RBFOX1: variants seen among roughly 807,000 people sequenced by gnomAD.
RBFOX1 encodes the protein RNA binding protein fox-1 homolog 1.
RBFOX1 carries 8 observed loss-of-function variants against 57.7 expected under a neutral mutation model. The ratio of observed to expected loss-of-function variants is 0.14; its 90% CI spans 0.08 to 0.25. The LOEUF is 0.25. RBFOX1 is among the 10% of genes least tolerant of loss of function. The probability of loss-of-function intolerance (pLI) is 1.00; values close to 1 mark genes in which losing one functional copy is unlikely to be tolerated. For missense variants in RBFOX1, 611 were observed against 548.5 expected (o/e 1.11, Z -1.14); for synonymous variants, 326 against 222.4 (o/e 1.47, Z -4.15).
At chr16:6,350,935 C>T (rs754318272) in intron 2 of RBFOX1, among the ~76,000 whole-genome samples, 10 of 152,196 alleles carry the variant, frequency 6.6e-5, no homozygotes, top group Non-Finnish European at 1.0e-4. Context: ...GATGGCCTGG[C>T]ACCTGGTCCT....
At chr16:7,133,477 A>T (rs921691449) in intron 4 of RBFOX1, among the ~76,000 whole-genome samples, 1 of 152,158 alleles carries the variant, frequency 6.6e-6, no homozygotes, top group Admixed American at 6.5e-5. Context: ...TTTAGAGGCA[A>T]TTCAGTAATT....
Position 6,871,917 on chromosome 16 carries a change from GTGT to G in RBFOX1, c.-15-180139_-15-180137del, listed in dbSNP as rs2060966595. Reference sequence around the variant, plus strand: ...TTTGAGAGAGGGAGAGAGTCTGTGTGTGTGTGTGTGTGTGTGTGTGTGTGTGTG... The same window carrying G: ...TTTGAGAGAGGGAGAGAGTCTGTGTGGTGTGTGTGTGTGTGTGTGTGTGTG... On this transcript the variant is annotated intron_variant, in intron 3 of 15. Transcript: ENST00000550418. Among the ~76,000 whole-genome samples, 3 of 56,716 alleles carry G rather than the reference GTGT, an allele frequency of 5.3e-5. No homozygotes were observed. The East Asian group carries it at 2.3e-3, about 43-fold the overall frequency. The allele number at this position is 56,716 out of a possible 152,430, so 37.2% of individuals were successfully genotyped here.
chr16:7,028,636 T>C (rs963576575), intron 3 of RBFOX1, among the ~76,000 whole-genome samples: 1 of 127,198 alleles, frequency 7.9e-6, no homozygotes, highest in African/African-American at 3.0e-5. Flanking sequence ...AAAAAAAAAA[T>C]TGAACCACAC....
chr16:7,700,980 G>A (rs2080491788), intron 14 of RBFOX1, among the ~76,000 whole-genome samples: 1 of 152,002 alleles, frequency 6.6e-6, no homozygotes, highest in African/African-American at 2.4e-5. Context: ...TGTATGACAG[G>A]TATCCATGGG....
At position 7,711,591 on chromosome 16, in the gene RBFOX1, G is replaced by A. The variant is rs776836560; in HGVS notation, c.*846G>A. The A allele has an allele frequency of 2.0e-5, 3 of 152,328 alleles. No homozygotes were observed. Among genetic ancestry groups the A allele is most frequent in the Admixed American group, 6.6e-5 (1 of 15,246 alleles). 9.4% of individuals were successfully genotyped at this position (152,328 alleles called of 1,614,324 possible). A position where few individuals can be genotyped will look rare whatever the true frequency, so the allele number is the denominator to read the frequency against. On this transcript the variant is annotated 3_prime_UTR_variant, in exon 16 of 16. Transcript: ENST00000550418. ...AATAAAAAGGTGATAAAAAAGCACT[G>A]TTTCTATTTTTTTCTTTTTTTCCAA... is the stretch of plus-strand genomic sequence containing the variant.
intron 2 of RBFOX1, among the ~76,000 whole-genome samples, chr16:5,472,053 CTG>C (rs1269308923): frequency 2.6e-5 from 4 of 152,188 alleles, no homozygotes; most frequent in African/African-American, 9.6e-5. Context: ...TCTGCCTTCT[CTG>C]TGACTTCTGA....
At chr16:5,529,282 A>G (rs1275904367) in intron 2 of RBFOX1, among the ~76,000 whole-genome samples, 1 of 152,160 alleles carries the variant, frequency 6.6e-6, no homozygotes, top group Non-Finnish European at 1.5e-5. Context: ...TTAAAGTCTT[A>G]AAACACCACC....
At chr16:7,670,594 A>G (rs2071075965) in intron 13 of RBFOX1, among the ~76,000 whole-genome samples, 1 of 152,186 alleles carries the variant, frequency 6.6e-6, no homozygotes, top group African/African-American at 2.4e-5. Context: ...GTAAGCAGTG[A>G]ACTAGGAGCG....
rs145413859 is a variant in RBFOX1 at position 5,253,264 on chromosome 16, C to G, written c.219+13159C>G. Among the ~76,000 whole-genome samples the G allele has an allele frequency of 7.6e-3, 1,156 of 152,140 alleles. 16 individuals carry two copies. The highest frequency in any genetic ancestry group is 0.026 in the African/African-American group (1,089 of 41,490). Reference sequence around the variant, plus strand: ...TCCCGGGTTCAAGCGATTCTCCTGTCTCAGCCTCCTGAGTAGCCGGGACTA... The same window carrying G: ...TCCCGGGTTCAAGCGATTCTCCTGTGTCAGCCTCCTGAGTAGCCGGGACTA... On this transcript the variant is annotated intron_variant, in intron 1 of 2. Transcript: ENST00000585867.
At chr16:6,002,362 A>T (rs915620587) in intron 4 of RBFOX1, among the ~76,000 whole-genome samples, 2 of 152,170 alleles carry the variant, frequency 1.3e-5, no homozygotes, top group African/African-American at 4.8e-5. Context: ...GGTACAGAGG[A>T]AATAGAGTTT....
intron 3 of RBFOX1, among the ~76,000 whole-genome samples, chr16:6,939,508 T>C (rs1567980563): frequency 1.4e-5 from 1 of 70,944 alleles, no homozygotes; most frequent in Admixed American, 1.3e-4. Context: ...TTTTCTTTCT[T>C]TTTTTTTTTT....
intron 4 of RBFOX1, among the ~76,000 whole-genome samples, chr16:7,081,434 C>T (rs895973606): frequency 6.6e-6 from 1 of 152,148 alleles, no homozygotes; most frequent in East Asian, 1.9e-4. Flanking sequence ...ATAACTTGGC[C>T]ACTCCTCATG....
intron 4 of RBFOX1, among the ~76,000 whole-genome samples, chr16:7,373,083 C>T (rs1325529074): frequency 6.6e-6 from 1 of 151,952 alleles, no homozygotes; most frequent in Admixed American, 6.6e-5. Context: ...AGGTGCCTGC[C>T]ACCATGCGTG....
intron 1 of RBFOX1, among the ~76,000 whole-genome samples, chr16:6,153,047 T>TTG (rs1555528284): frequency 1.9e-4 from 28 of 151,026 alleles, no homozygotes; most frequent in Middle Eastern, 3.2e-3. Flanking sequence ...TTTTTTTTTT[T>TTG]TTGTTAATTT....
intron 1 of RBFOX1, among the ~76,000 whole-genome samples, chr16:6,151,599 T>G (rs930343063): frequency 1.3e-5 from 2 of 152,212 alleles, no homozygotes; most frequent in African/African-American, 4.8e-5. Context: ...AATCAGTCTT[T>G]TATGTCATTC....
At position 6,504,281 on chromosome 16, in the gene RBFOX1, A is replaced by G. The variant is rs538192739; in HGVS notation, c.-63-150322A>G. Among the ~76,000 whole-genome samples, 7 of 152,240 alleles carry G rather than the reference A, an allele frequency of 4.6e-5. No individual in the cohort carries two copies. In the South Asian group the frequency reaches 6.2e-4, roughly 14 times the overall value. The stretch of plus-strand genomic sequence containing the variant: ...TCCACAGTCCACCTGTTGGGAATCT[A>G]TTTGCTTTGGATTAAAGGCACCAGT... On this transcript the variant is annotated intron_variant, in intron 2 of 15. Coordinates refer to ENST00000550418, the MANE Select transcript of RBFOX1 (RefSeq NM_018723.4).
At chr16:5,470,288 G>A (rs564957716) in intron 2 of RBFOX1, among the ~76,000 whole-genome samples, 3 of 152,312 alleles carry the variant, frequency 2.0e-5, no homozygotes, top group South Asian at 4.1e-4. Flanking sequence ...GTAGGAGATC[G>A]AGGGAAGGGG....
intron 3 of RBFOX1, among the ~76,000 whole-genome samples, chr16:5,857,953 TAAAA>T (rs1342667419): frequency 6.6e-6 from 1 of 151,858 alleles, no homozygotes; most frequent in African/African-American, 2.4e-5. Context: ...TCTCAAAAAA[TAAAA>T]AAAGAAATGT....
chr16:5,919,572 G>A (rs1021477999), intron 4 of RBFOX1, among the ~76,000 whole-genome samples: 1 of 152,106 alleles, frequency 6.6e-6, no homozygotes, highest in Admixed American at 6.5e-5. Context: ...CCAAACTCCC[G>A]ACCCGAGGTG....
Sources: allele counts gnomAD v4.1 joint callset (sites outside exome capture counted in the v4.1 genomes callset), GRCh38; gene constraint gnomAD v4.1.1; transcripts MANE v1.5; gene names NCBI Gene and HGNC (gene_info 2026-07-23, HGNC 2026-07-21).